NAV1: variants seen among roughly 807,000 people sequenced by gnomAD.
NAV1 encodes neuron navigator 1.
Under a neutral mutation model 175.2 loss-of-function variants are expected in NAV1, and 18 were observed. That is an observed-to-expected ratio of 0.10 (90% CI 0.07 to 0.15). NAV1 has a LOEUF of 0.15. Ranked by LOEUF, NAV1 falls within the 10% of genes least tolerant of loss-of-function variation. NAV1 has a pLI of 1.00. For missense variants in NAV1, 1,731 were observed against 2,436.6 expected (o/e 0.71, Z 6.10); for synonymous variants, 897 against 978.7 (o/e 0.92, Z 1.56).
In NAV1 at chr1:201,740,556, C is replaced by T. The variant is rs754376395; in HGVS notation, c.1226+21801C>T. 7.2e-5 allele frequency among the ~76,000 whole-genome samples: 11 copies of T among 151,932 alleles called. No homozygotes were observed. The highest frequency in any genetic ancestry group is 1.3e-4 in the Non-Finnish European group (9 of 67,976). On this transcript the variant is annotated intron_variant, in intron 3 of 29. Transcript: ENST00000367296. The surrounding 1 kb of genome is among the most constrained non-coding windows in gnomAD (Gnocchi z 4.7). ...AAGGTCACCCTAGTTCCGGAAGCTC[C>T]GGGGGTCGTCCTGGGGTGAAAGGAG...
intron 3 of NAV1, among the ~76,000 whole-genome samples, chr1:201,754,789 TTTTA>T (rs1674350663): frequency 6.6e-6 from 1 of 152,240 alleles, no homozygotes; most frequent in Non-Finnish European, 1.5e-5. Flanking sequence ...CAGGATTTGA[TTTTA>T]TTTTGTCCTG....
exon 1 of NAV1, chr1:201,623,070 A>G (rs1004043243): frequency 1.0e-6 from 1 of 985,916 alleles, no homozygotes; most frequent in South Asian, 4.7e-5. Flanking sequence ...GAAAGGCTGC[A>G]GGTCCTTCTA....
chr1:201,786,346 C>T (rs2102728766), intron 8 of NAV1, 83 bp from the exon 13 acceptor site: 1 of 1,379,456 alleles, frequency 7.2e-7, no homozygotes, highest in South Asian at 1.4e-5. Flanking sequence ...TGGCTCCAGC[C>T]TAGTTCAGAC....
chr1:201,814,836 G>T (rs1361584753), intron 28 of NAV1, among the ~76,000 whole-genome samples: 1 of 151,908 alleles, frequency 6.6e-6, no homozygotes, highest in Non-Finnish European at 1.5e-5. Flanking sequence ...TCAGGAGATC[G>T]AGACCGTCGT....
intron 3 of NAV1, among the ~76,000 whole-genome samples, chr1:201,759,119 T>C (rs762816951): frequency 5.3e-5 from 8 of 152,100 alleles, no homozygotes; most frequent in Non-Finnish European, 8.8e-5. Context: ...CTAGTGATGT[T>C]CCCCCCTCCC....
chr1:201,553,841 C>T (rs1359394415), intron 1 of NAV1, among the ~76,000 whole-genome samples: 2 of 152,186 alleles, frequency 1.3e-5, no homozygotes, highest in Admixed American at 1.3e-4. Flanking sequence ...ATGTATTTTG[C>T]TTCTTTTAAT....
intron 3 of NAV1, among the ~76,000 whole-genome samples, chr1:201,721,183 T>C (rs1028484648): frequency 5.3e-5 from 8 of 152,242 alleles, no homozygotes; most frequent in African/African-American, 1.9e-4. Context: ...ACAGAATCAA[T>C]TGTTGGCATG....
At chr1:201,578,375 T>C (rs1666752808) in intron 1 of NAV1, among the ~76,000 whole-genome samples, 1 of 152,216 alleles carries the variant, frequency 6.6e-6, no homozygotes, top group Admixed American at 6.5e-5. Flanking sequence ...TCATTACCCC[T>C]GGGCTAGGGG....
intron 11 of NAV1, among the ~76,000 whole-genome samples, chr1:201,790,147 A>G (rs1409265973): frequency 6.6e-6 from 1 of 152,220 alleles, no homozygotes; most frequent in African/African-American, 2.4e-5. Context: ...CCCGGACTCC[A>G]GAACCCTAGA....
chr1:201,740,583 T>G lies in NAV1; in HGVS notation c.1226+21828T>G, dbSNP rs1571918783. 6.7e-6 allele frequency among the ~76,000 whole-genome samples: 1 copy of G among 149,070 alleles called. No homozygotes were observed. Among genetic ancestry groups the G allele is most frequent in the African/African-American group, 2.5e-5 (1 of 40,152 alleles). ...GGGGTCGTCCTGGGGTGAAAGGAGGTGGTGGGAGGCGGAAGGATGAAACGG... is the reference window on the plus strand; with the variant it reads ...GGGGTCGTCCTGGGGTGAAAGGAGGGGGTGGGAGGCGGAAGGATGAAACGG... On this transcript the variant is annotated intron_variant, in intron 3 of 29. Coordinates refer to ENST00000367296, the Ensembl canonical transcript of NAV1. The surrounding 1 kb of genome is among the most constrained non-coding windows in gnomAD (Gnocchi z 4.7).
chr1:201,542,073 T>C (rs1665531868), intron 1 of NAV1, among the ~76,000 whole-genome samples: 2 of 152,262 alleles, frequency 1.3e-5, no homozygotes, highest in Admixed American at 1.3e-4. Flanking sequence ...TTCTCCCCTT[T>C]ACAGGCAAGA....
intron 1 of NAV1, among the ~76,000 whole-genome samples, chr1:201,570,477 C>T (rs996763249): frequency 6.6e-5 from 10 of 152,222 alleles, no homozygotes; most frequent in Non-Finnish European, 1.2e-4. Flanking sequence ...GCAGGCCTGC[C>T]CTGGGAGTAC....
At chr1:201,774,722 AC>A (rs1675825784) in intron 3 of NAV1, among the ~76,000 whole-genome samples, 1 of 152,236 alleles carries the variant, frequency 6.6e-6, no homozygotes, top group Non-Finnish European at 1.5e-5. Flanking sequence ...CTCAAAGGCT[AC>A]CCATCAGGAT....
chr1:201,583,123 CG>C (rs1255775911), intron 1 of NAV1, among the ~76,000 whole-genome samples: 1 of 151,970 alleles, frequency 6.6e-6, no homozygotes, highest in East Asian at 1.9e-4. Flanking sequence ...CCAACCATGG[CG>C]GCTCTACACC....
intron 1 of NAV1, among the ~76,000 whole-genome samples, chr1:201,665,473 G>A (rs1284374797): frequency 6.6e-6 from 1 of 152,074 alleles, no homozygotes; most frequent in East Asian, 1.9e-4. Flanking sequence ...GTCCGCACTA[G>A]CCACAAGCAC....
chr1:201,575,774 G>A (rs1208730563), intron 1 of NAV1, among the ~76,000 whole-genome samples: 3 of 151,262 alleles, frequency 2.0e-5, no homozygotes, highest in Non-Finnish European at 4.4e-5. Flanking sequence ...AAGGAAGGAG[G>A]GAAGGGACAA....
chr1:201,794,430 C>T (rs754035881), intron 14 of NAV1, 36 bp from the exon 19 acceptor site: 58 of 1,586,982 alleles, frequency 3.7e-5, no homozygotes, highest in African/African-American at 2.6e-4. Flanking sequence ...TGTGAGCCAC[C>T]GTGCCCAGCC....
At chr1:201,648,533 C>T in exon 1 of NAV1, 4 of 1,246,732 alleles carry the variant, frequency 3.2e-6, no homozygotes, top group Middle Eastern at 3.1e-4. Flanking sequence ...CCCTTCTCTC[C>T]CCTTCTTCCT....
chr1:201,604,742 G>T (rs1398007808), intron 2 of NAV1, among the ~76,000 whole-genome samples: 2 of 147,828 alleles, frequency 1.4e-5, no homozygotes, highest in Non-Finnish European at 3.0e-5. Context: ...AAGAAAGAAA[G>T]AAAGAGAGAG....
Sources: gnomAD v4.1 joint callset for allele counts (sites outside exome capture counted in the v4.1 genomes callset) on GRCh38, gnomAD v4.1.1 for gene constraint, Gnocchi (gnomAD v3.1) non-coding constraint, MANE v1.5 for transcripts, NCBI Gene and HGNC (gene_info 2026-07-23, HGNC 2026-07-21) for gene names.